Variants in GNA14 observed in about 807,000 individuals in gnomAD.
GNA14 encodes G protein subunit alpha 14.
A neutral mutation model predicts 42.0 loss-of-function variants in GNA14; 50 were observed. That is an observed-to-expected ratio of 1.19 (90% CI 0.95 to 1.51). The LOEUF is 1.51. Among genes scored for constraint, GNA14 ranks in the 40% most tolerant of loss-of-function variants. The pLI, the probability that GNA14 is intolerant of heterozygous loss-of-function variation, is 0.00. For missense variants in GNA14, 473 were observed against 446.2 expected, an observed-to-expected ratio of 1.06 and a Z score of -0.54; for synonymous variants, 173 against 163.1, an observed-to-expected ratio of 1.06 and a Z score of -0.46.
chr9:77,488,623 A>T (rs2131733995), intron 2 of GNA14, among the ~76,000 whole-genome samples: 1 of 152,056 alleles, frequency 6.6e-6, no homozygotes, highest in South Asian at 2.1e-4. Context: ...CCCATTTGGG[A>T]CCTCACCCAT....
chr9:77,559,775 T>C (rs1822848386), intron 1 of GNA14, among the ~76,000 whole-genome samples: 1 of 152,248 alleles, frequency 6.6e-6, no homozygotes, highest in South Asian at 2.1e-4. Flanking sequence ...ACCTAATGAA[T>C]AGTGCCACAT....
At chr9:77,425,438 A>ACAG (rs1835437852) in intron 6 of GNA14, 124 bp downstream of exon 6, 1 of 635,442 alleles carries the variant, frequency 1.6e-6, no homozygotes, top group Non-Finnish European at 2.7e-6. Flanking sequence ...GAAGGTGGGA[A>ACAG]TAGGGGGAGA....
chr9:77,460,668 A>G (rs3780290), intron 2 of GNA14, among the ~76,000 whole-genome samples: 86,659 of 151,942 alleles, frequency 0.57, 25,904 homozygotes, highest in African/African-American at 0.75. Context: ...GGGGACGAGT[A>G]CGCAGGAAGC....
chr9:77,442,605 C>T (rs1312437581), intron 2 of GNA14, among the ~76,000 whole-genome samples: 1 of 152,194 alleles, frequency 6.6e-6, no homozygotes, highest in Non-Finnish European at 1.5e-5. Context: ...GGCCCTCATA[C>T]ACCCTTTGGC....
rs151333292 is a variant in GNA14, at chr9:77,479,703, G to C, written c.310-45181C>G. ...ATGAACATGGAATGTTCTTCCATTT[G>C]TTTGTATTCTCTTTTATTTCATTGA... On this transcript the variant is annotated intron_variant, in intron 2 of 6. Coordinates refer to ENST00000341700, the MANE Select transcript of GNA14 (RefSeq NM_004297.4). Among the ~76,000 whole-genome samples, 864 of 152,204 alleles carry C rather than the reference G, an allele frequency of 5.7e-3. 9 individuals are homozygous for C. Among genetic ancestry groups the C allele is most frequent in the African/African-American group, 0.019 (809 of 41,518 alleles).
chr9:77,428,240 G>A (rs1016802586), intron 5 of GNA14, among the ~76,000 whole-genome samples: 14 of 151,704 alleles, frequency 9.2e-5, no homozygotes, highest in Admixed American at 3.3e-4. Flanking sequence ...CACCACGCCC[G>A]GCTAATTTTT....
chr9:77,509,015 G>A (rs966344645), intron 2 of GNA14, among the ~76,000 whole-genome samples: 1 of 152,132 alleles, frequency 6.6e-6, no homozygotes, highest in Admixed American at 6.5e-5. Flanking sequence ...CATTCACGTT[G>A]TCATGCAACC....
At chr9:77,488,310 A>G (rs372981815) in intron 2 of GNA14, among the ~76,000 whole-genome samples, 1 of 152,180 alleles carries the variant, frequency 6.6e-6, no homozygotes, top group Non-Finnish European at 1.5e-5. Context: ...TCTACACTGG[A>G]AAGAGTAAAA....
intron 2 of GNA14, among the ~76,000 whole-genome samples, chr9:77,519,370 CA>C (rs1837313393): frequency 6.6e-6 from 1 of 151,904 alleles, no homozygotes; most frequent in Non-Finnish European, 1.5e-5. Flanking sequence ...GAGATTGCGC[CA>C]CTACACTCCA....
intron 1 of GNA14, among the ~76,000 whole-genome samples, chr9:77,611,377 C>G (rs1417458740): frequency 1.3e-5 from 2 of 152,204 alleles, no homozygotes; most frequent in Admixed American, 6.5e-5. Context: ...GCTTGTGTTA[C>G]AGGAGGGGAA....
At chr9:77,424,201 C>A (rs1206626355) in intron 6 of GNA14, 32 bp from the exon 7 acceptor site, 1 of 1,503,012 alleles carries the variant, frequency 6.7e-7, no homozygotes, top group South Asian at 1.2e-5. Flanking sequence ...GGAATAAAGA[C>A]ACAGACTTAA....
intron 2 of GNA14, among the ~76,000 whole-genome samples, chr9:77,486,102 G>A (rs1291198416): frequency 1.3e-5 from 2 of 152,184 alleles, no homozygotes; most frequent in African/African-American, 4.8e-5. Flanking sequence ...ATAGAAGGCT[G>A]TTTCATCTAT....
At chr9:77,477,159 C>G (rs537100885) in intron 2 of GNA14, among the ~76,000 whole-genome samples, 2 of 152,034 alleles carry the variant, frequency 1.3e-5, no homozygotes, top group Admixed American at 6.6e-5. Context: ...GAGCTCGAGA[C>G]GAGCCGAGGC....
intron 1 of GNA14, among the ~76,000 whole-genome samples, chr9:77,585,173 TAA>T (rs977733773): frequency 1.3e-5 from 2 of 152,164 alleles, no homozygotes; most frequent in Admixed American, 1.3e-4. Context: ...CACAGAATCT[TAA>T]AGAGGGAAGA....
intron 2 of GNA14, among the ~76,000 whole-genome samples, chr9:77,507,528 C>G (rs1837091499): frequency 6.6e-6 from 1 of 152,166 alleles, no homozygotes; most frequent in African/African-American, 2.4e-5. Flanking sequence ...AACCCCCGAG[C>G]ATCACAAATC....
chr9:77,430,955 A>G (rs1835539926), intron 4 of GNA14, among the ~76,000 whole-genome samples: 1 of 152,070 alleles, frequency 6.6e-6, no homozygotes, highest in Admixed American at 6.6e-5. Flanking sequence ...GAAAGGAAAT[A>G]TGATTCATCT....
chr9:77,515,481 A>T (rs1270769914), intron 2 of GNA14, among the ~76,000 whole-genome samples: 1 of 152,230 alleles, frequency 6.6e-6, no homozygotes, highest in Non-Finnish European at 1.5e-5. Flanking sequence ...AAAAATAGTA[A>T]AAGAGAGGCT....
At chr9:77,440,027 T>C (rs1238987745) in intron 2 of GNA14, among the ~76,000 whole-genome samples, 1 of 152,130 alleles carries the variant, frequency 6.6e-6, no homozygotes, top group Non-Finnish European at 1.5e-5. Context: ...GCCTAACACA[T>C]TCATTTAATT....
At chr9:77,558,479 T>C (rs1822825648) in intron 1 of GNA14, among the ~76,000 whole-genome samples, 1 of 152,176 alleles carries the variant, frequency 6.6e-6, no homozygotes, top group Non-Finnish European at 1.5e-5. Flanking sequence ...GTTTGAGTAG[T>C]AGTCTTAGAT....
Sources: gnomAD v4.1 joint callset for allele counts (sites outside exome capture counted in the v4.1 genomes callset) on GRCh38, gnomAD v4.1.1 for gene constraint, MANE v1.5 for transcripts, NCBI Gene and HGNC (gene_info 2026-07-23, HGNC 2026-07-21) for gene names.